ESYT1: variants seen among roughly 807,000 people sequenced by gnomAD.
The protein encoded by ESYT1 is extended synaptotagmin 1, also known as extended synaptotagmin-1.
In ESYT1, 116 loss-of-function variants were observed where a neutral mutation model predicts 154.2. The ratio of observed to expected loss-of-function variants is 0.75; its 90% confidence interval spans 0.65 to 0.88. The LOEUF is 0.88. Ranked by LOEUF, ESYT1 falls within the 40% of genes least tolerant of loss-of-function variation. The probability of loss-of-function intolerance (pLI) is 0.00; values close to 1 mark genes in which losing one functional copy is unlikely to be tolerated. For missense variants in ESYT1, 1,264 were observed against 1,379.3 expected, an observed-to-expected ratio of 0.92 and a Z score of 1.32; for synonymous variants, 500 against 539.9, an observed-to-expected ratio of 0.93 and a Z score of 1.02.
At chr12:56,139,267 C>T (rs1323511155) in intron 24 of ESYT1, among the ~76,000 whole-genome samples, 1 of 151,982 alleles carries the variant, frequency 6.6e-6, no homozygotes, top group Non-Finnish European at 1.5e-5. Context: ...CGCCACCACA[C>T]CTGGCTAATT....
At chr12:56,136,640 G>A in intron 15 of ESYT1, 104 bp from the exon 16 acceptor site, 2 of 801,028 alleles carry the variant, frequency 2.5e-6, no homozygotes, top group Non-Finnish European at 1.8e-6. Flanking sequence ...GGAGGTTTGT[G>A]ATTGGTACAG....
rs187477734 is a variant in ESYT1 at position 56,141,478 on chromosome 12, C to T, written c.2593-807C>T. ...AAGCTAGGTTGGGCGCGGTGGCTCACGCCTGTAATCCCAGCACTTTGGGAG... is the reference window on the plus strand; with the variant it reads ...AAGCTAGGTTGGGCGCGGTGGCTCATGCCTGTAATCCCAGCACTTTGGGAG... On this transcript the variant is annotated intron_variant, in intron 24 of 30. Coordinates refer to ENST00000394048, the MANE Select transcript of ESYT1 (RefSeq NM_015292.3). Among the ~76,000 whole-genome samples the T allele has an allele frequency of 6.2e-4, 95 of 152,234 alleles. No individual in the cohort carries two copies. In the South Asian group the frequency reaches 0.013, roughly 21 times the overall value.
intron 13 of ESYT1, 41 bp downstream of exon 13, chr12:56,133,914 T>G (rs913994297): frequency 1.0e-5 from 16 of 1,597,508 alleles, no homozygotes; most frequent in Non-Finnish European, 1.4e-5. Context: ...GATGTAACAT[T>G]CCCCAACCCT....
chr12:56,132,131 G>T, intron 7 of ESYT1, 78 bp from the exon 8 acceptor site: 1 of 1,605,714 alleles, frequency 6.2e-7, no homozygotes, highest in South Asian at 1.1e-5. Context: ...GTCTCTCTTG[G>T]GTGTGGGAAA....
In ESYT1 at chr12:56,132,506, A is replaced by T; in HGVS notation, c.1070A>T (p.Asp357Val). The T allele has an allele frequency of 6.2e-7, 1 of 1,614,156 alleles. No homozygotes were observed. The highest frequency in any genetic ancestry group is 8.5e-7 in the Non-Finnish European group (1 of 1,180,026). ...AAGGGCCTGATTGAGGGCAAGTCAG[A>T]CCCATATGCACTTGTGCGTTTGGGT... ...YVKGLIEGKSDPYALVRLGTQ... is the reference protein window; with the variant it reads ...YVKGLIEGKSVPYALVRLGTQ... The change falls in exon 9 of 31, where the codon GAC becomes GTC. Residue 357 changes from aspartate (D) to valine (V), a missense_variant. By Grantham distance (152) the Asp-to-Val change is radical. Transcript: ENST00000394048.
At chr12:56,135,631 C>T (rs1179819497) in intron 15 of ESYT1, among the ~76,000 whole-genome samples, 1 of 151,890 alleles carries the variant, frequency 6.6e-6, no homozygotes, top group Non-Finnish European at 1.5e-5. Context: ...GTGGCTCACA[C>T]CTGTAATCCT....
chr12:56,128,771 C>A, intron 1 of ESYT1, 62 bp downstream of exon 1: 1 of 1,588,326 alleles, frequency 6.3e-7, no homozygotes, highest in Non-Finnish European at 8.6e-7. Context: ...CCATCTGGGG[C>A]TTTTCCTCCT....
Position 56,131,912 on chromosome 12 carries a change from T to A in ESYT1, c.860+108T>A, listed in dbSNP as rs1208670377. The A allele has an allele frequency of 2.5e-6, 3 of 1,198,560 alleles. No homozygotes were observed. The East Asian group carries it at 7.2e-5, about 29-fold the overall frequency. 74.2% of individuals were successfully genotyped at this position (1,198,560 alleles called of 1,614,324 possible). ...GCTTGTGTCCTCTAGGAGCCTCAAC[T>A]TCATTTGGGGAGCAAAGACAAATAC... On this transcript the variant is annotated intron_variant, in intron 7 of 30. Transcript: ENST00000394048.
intron 1 of ESYT1, among the ~76,000 whole-genome samples, chr12:56,129,075 C>T (rs563973436): frequency 6.6e-5 from 10 of 152,174 alleles, no homozygotes; most frequent in Non-Finnish European, 8.8e-5. Flanking sequence ...TTTGCTGCTC[C>T]TGGAAATCCT....
At chr12:56,128,866 C>A in intron 1 of ESYT1, 157 bp downstream of exon 1, 1 of 900,874 alleles carries the variant, frequency 1.1e-6, no homozygotes, top group Non-Finnish European at 1.7e-6. Context: ...CTGCTGGACG[C>A]GCCACTCTTG....
At position 56,132,513 on chromosome 12, in the gene ESYT1, T is replaced by C; in HGVS notation, c.1077T>C (p.Tyr359=). Residue 359 remains tyrosine (Y), a synonymous_variant, in exon 9 of 31, where the codon TAT becomes TAC. Transcript: ENST00000394048. ...TGATTGAGGGCAAGTCAGACCCATATGCACTTGTGCGTTTGGGTACCCAGA... is the reference window on the plus strand; with the variant it reads ...TGATTGAGGGCAAGTCAGACCCATACGCACTTGTGCGTTTGGGTACCCAGA... ...KGLIEGKSDP[Y]ALVRLGTQTF... is the part of the protein sequence containing the mutation. The C allele has an allele frequency of 1.2e-6, 2 of 1,614,222 alleles. No individual in the cohort carries two copies. Among genetic ancestry groups the C allele is most frequent in the Non-Finnish European group, 1.7e-6 (2 of 1,180,024 alleles).
chr12:56,138,595 G>A, intron 22 of ESYT1, 96 bp downstream of exon 22: 1 of 1,357,406 alleles, frequency 7.4e-7, no homozygotes, highest in East Asian at 2.3e-5. Context: ...AAGAAAAATG[G>A]CCCCTCTCTT....
rs138187966 is a variant in ESYT1 at position 56,137,228 on chromosome 12, T to G, written c.1793T>G (p.Leu598Trp). 664 of 1,614,166 alleles carry G rather than the reference T, an allele frequency of 4.1e-4. 2 individuals are homozygous for G. Among genetic ancestry groups the G allele is most frequent in the Middle Eastern group, 6.6e-4 (4 of 6,062 alleles). ...TACTACCCTTCCTAGATCCTGTACTTGGATTCATCAGAAATATGCTTCCCC... is the reference window on the plus strand; with the variant it reads ...TACTACCCTTCCTAGATCCTGTACTGGGATTCATCAGAAATATGCTTCCCC... ...YMKLVMRILY[L>W]DSSEICFPTV... is the part of the protein sequence containing the mutation. Residue 598 changes from leucine to tryptophan, a missense_variant, in exon 17 of 31, where the codon TTG becomes TGG. By Grantham distance (61) the Leu-to-Trp change is moderately conservative (BLOSUM62 -2). Transcript: ENST00000394048.
intron 24 of ESYT1, among the ~76,000 whole-genome samples, chr12:56,139,262 C>G (rs1870592860): frequency 6.6e-6 from 1 of 151,952 alleles, no homozygotes; most frequent in Non-Finnish European, 1.5e-5. Context: ...GTGCCCGCCA[C>G]CACACCTGGC....
In ESYT1 at chr12:56,134,383, C is replaced by T. The variant is rs978402917; in HGVS notation, c.1587C>T (p.Phe529=). 3.1e-6 allele frequency: 5 copies of T among 1,614,172 alleles called. No individual in the cohort carries two copies. Among genetic ancestry groups the T allele is most frequent in the Non-Finnish European group, 4.2e-6 (5 of 1,180,030 alleles). The change falls in exon 15 of 31, where the codon TTC becomes TTT. Residue 529 remains phenylalanine, a synonymous_variant. Coordinates refer to ENST00000394048, the MANE Select transcript of ESYT1 (RefSeq NM_015292.3). ...ACTGCCCAGTGTGGGAGGAAGCGTT[C>T]CGGTTCTTCCTACAAGACCCTCAAA... The part of the protein sequence containing the change: ...STNCPVWEEA[F]RFFLQDPQSQ...
At chr12:56,136,619 T>A in intron 15 of ESYT1, 125 bp from the exon 16 acceptor site, 1 of 593,702 alleles carries the variant, frequency 1.7e-6, no homozygotes, top group East Asian at 3.7e-5. Flanking sequence ...AAGATGGCCC[T>A]GAGTGGAGCA....
chr12:56,132,169 A>C (rs80107827), intron 7 of ESYT1, 40 bp from the exon 8 acceptor site: 14 of 1,613,656 alleles, frequency 8.7e-6, no homozygotes, highest in Non-Finnish European at 1.2e-5. Context: ...GAAAATTGGA[A>C]GTTGAGGCCA....
rs747955814 is a variant in ESYT1 at position 56,137,604 on chromosome 12, T to A, written c.2044T>A (p.Leu682Met). 3.1e-6 allele frequency: 5 copies of A among 1,614,132 alleles called. No homozygotes were observed. The African/African-American group carries it at 6.7e-5, about 22-fold the overall frequency. Residue 682 changes from leucine to methionine, a missense_variant, in exon 18 of 31, where the codon TTG becomes ATG. By Grantham distance (15) the Leu-to-Met change is conservative. Coordinates refer to ENST00000394048, the MANE Select transcript of ESYT1 (RefSeq NM_015292.3). The stretch of plus-strand genomic sequence containing the variant: ...GTCAGACCCCTATGTCAAACTAAAG[T>A]TGGCAGGACGAAGCTTCCGGAGCCA... ...GKSDPYVKLK[L>M]AGRSFRSHVV...
intron 15 of ESYT1, among the ~76,000 whole-genome samples, chr12:56,136,501 GA>G (rs1328200966): frequency 6.6e-6 from 1 of 151,056 alleles, no homozygotes; most frequent in Non-Finnish European, 1.5e-5. Flanking sequence ...TGAGGTAGGA[GA>G]ATGGGTTGAA....
Sources: gnomAD v4.1 joint callset for allele counts (sites outside exome capture counted in the v4.1 genomes callset) on GRCh38, gnomAD v4.1.1 for gene constraint, MANE v1.5 for transcripts, NCBI Gene and HGNC (gene_info 2026-07-23, HGNC 2026-07-21) for gene names.